The following FBXO33 variants were observed in gnomAD, a reference collection of about 807,000 sequenced individuals.
FBXO33 encodes F-box protein 33.
FBXO33 carries 22 observed loss-of-function variants against 46.3 expected under a neutral mutation model. The ratio of observed to expected loss-of-function variants is 0.48; its 90% confidence interval spans 0.34 to 0.68. FBXO33 has a LOEUF of 0.68. FBXO33 is among the 30% of genes least tolerant of loss of function. The probability of loss-of-function intolerance (pLI) is 0.01; values close to 1 mark genes in which losing one functional copy is unlikely to be tolerated. For synonymous variants in FBXO33, 337 were observed against 291.3 expected (o/e 1.16, Z -1.60); for missense variants, 692 against 708.8 (o/e 0.98, Z 0.27).
intron 3 of FBXO33, among the ~76,000 whole-genome samples, chr14:39,400,078 A>C (rs2075361794): frequency 6.6e-6 from 1 of 152,246 alleles, no homozygotes; most frequent in Admixed American, 6.5e-5. Context: ...ATAGACATTT[A>C]AAGTATATAC....
intron 1 of FBXO33, among the ~76,000 whole-genome samples, chr14:39,418,672 G>A (rs189659366): frequency 6.6e-6 from 1 of 151,364 alleles, no homozygotes; most frequent in Non-Finnish European, 1.5e-5. Flanking sequence ...CTACTCGGGA[G>A]GCTGAGGCAG....
chr14:39,427,304 G>A (rs922208705), intron 1 of FBXO33, among the ~76,000 whole-genome samples: 10 of 152,044 alleles, frequency 6.6e-5, no homozygotes, highest in African/African-American at 2.4e-4. Flanking sequence ...TTCCTTCTCA[G>A]TAACTTTGAG....
chr14:39,428,354 C>T (rs2075526098), intron 1 of FBXO33, among the ~76,000 whole-genome samples: 1 of 151,948 alleles, frequency 6.6e-6, no homozygotes, highest in South Asian at 2.1e-4. Context: ...TACAGGCATG[C>T]ACTGCCACAC....
intron 1 of FBXO33, among the ~76,000 whole-genome samples, chr14:39,406,653 A>G (rs2075400179): frequency 6.6e-6 from 1 of 152,186 alleles, no homozygotes; most frequent in Non-Finnish European, 1.5e-5. Context: ...AGGGCAGAGT[A>G]CCAGAGACAA....
chr14:39,430,475 G>C (rs1396066508), intron 1 of FBXO33, among the ~76,000 whole-genome samples: 1 of 152,034 alleles, frequency 6.6e-6, no homozygotes, highest in Non-Finnish European at 1.5e-5. Context: ...TACTGCAAAA[G>C]GACACGCTTT....
chr14:39,402,399 ACT>A lies in FBXO33; in HGVS notation c.710_710+1del, dbSNP rs757183387. On this transcript the variant is annotated splice_donor_variant and coding_sequence_variant, in exon 2 of 4. Coordinates refer to ENST00000298097, the MANE Select transcript of FBXO33 (RefSeq NM_203301.4). LOFTEE classifies it high-confidence loss of function. ...CTCCTTTCCATTAACCATATAACTT[ACT>A]GTTTAATTTTTTTGCCATCAGGGTC... is the stretch of plus-strand genomic sequence containing the variant. 1 of 1,519,964 alleles carries A rather than the reference ACT, an allele frequency of 6.6e-7. No homozygotes were observed. Among genetic ancestry groups the A allele is most frequent in the Non-Finnish European group, 8.9e-7 (1 of 1,117,720 alleles). The allele number at this position is 1,519,964 out of a possible 1,614,324, so 94.2% of individuals were successfully genotyped here. A position where few individuals can be genotyped will look rare whatever the true frequency, so the allele number is the denominator to read the frequency against.
rs528463273 is a variant in FBXO33 at position 39,419,807 on chromosome 14, T to C, written c.599+11757A>G. On this transcript the variant is annotated intron_variant, in intron 1 of 3. Transcript: ENST00000298097. ...GTTGGCTAGAAAGTTTCTTCTTTCATCTTAATTCTTCAAATTAATGTACTT... is the reference window on the plus strand; with the variant it reads ...GTTGGCTAGAAAGTTTCTTCTTTCACCTTAATTCTTCAAATTAATGTACTT... 9.8e-5 allele frequency among the ~76,000 whole-genome samples: 15 copies of C among 152,362 alleles called. No individual in the cohort carries two copies. The South Asian group carries it at 3.1e-3, about 32-fold the overall frequency.
chr14:39,430,900 T>TGCCC (rs984720213), intron 1 of FBXO33, among the ~76,000 whole-genome samples: 9 of 152,126 alleles, frequency 5.9e-5, no homozygotes, highest in African/African-American at 2.2e-4. Flanking sequence ...ACTCCCTCGC[T>TGCCC]GCCCGCCCGC....
chr14:39,411,537 C>A (rs1167844493), intron 1 of FBXO33, among the ~76,000 whole-genome samples: 1 of 124,612 alleles, frequency 8.0e-6, no homozygotes, highest in Non-Finnish European at 1.7e-5. Flanking sequence ...CTTTTTTTTT[C>A]TTGAGACAAG....
chr14:39,421,009 C>T (rs1220387037), intron 1 of FBXO33, among the ~76,000 whole-genome samples: 6 of 152,276 alleles, frequency 3.9e-5, no homozygotes, highest in East Asian at 1.9e-4. Flanking sequence ...ACATCCACTC[C>T]GCCCTCTGAA....
At chr14:39,403,123 T>A (rs1420710356) in intron 1 of FBXO33, among the ~76,000 whole-genome samples, 1 of 152,146 alleles carries the variant, frequency 6.6e-6, no homozygotes, top group Non-Finnish European at 1.5e-5. Context: ...ATAGAGATGA[T>A]AATTACAATA....
At chr14:39,423,233 G>C (rs1245543538) in intron 1 of FBXO33, among the ~76,000 whole-genome samples, 1 of 152,072 alleles carries the variant, frequency 6.6e-6, no homozygotes, top group African/African-American at 2.4e-5. Context: ...CAAATTAAAA[G>C]TACAATATAA....
chr14:39,397,997 C>G lies in FBXO33; in HGVS notation c.*1519G>C, dbSNP rs2075350815. The G allele has an allele frequency of 6.6e-6, 1 of 152,640 alleles. No individual in the cohort carries two copies. Among genetic ancestry groups the G allele is most frequent in the African/African-American group, 2.4e-5 (1 of 41,452 alleles). The allele number at this position is 152,640 out of a possible 1,614,324, so 9.5% of individuals were successfully genotyped here. A position where few individuals can be genotyped will look rare whatever the true frequency, so the allele number is the denominator to read the frequency against. On this transcript the variant is annotated 3_prime_UTR_variant, in exon 4 of 4. Coordinates refer to ENST00000298097, the MANE Select transcript of FBXO33 (RefSeq NM_203301.4). ...TGGTATGTGCTCACTGGAGACAAAA[C>G]AGTGCACACCTGTCAAAAGGTCATT...
chr14:39,431,956 C>G lies in FBXO33; in HGVS notation c.207G>C (p.Ala69=). The part of the protein sequence containing the change: ...MALCGQAAGA[A]SLPSELIVHI... The stretch of plus-strand genomic sequence containing the variant: ...GCACGATCAGCTCGCTGGGCAGCGA[C>G]GCAGCGCCCGCCGCCTGCCCGCACA... The change falls in exon 1 of 4, where the codon GCG becomes GCC. Residue 69 remains alanine (A), a synonymous_variant. Coordinates refer to ENST00000298097, the MANE Select transcript of FBXO33 (RefSeq NM_203301.4). 1.3e-6 allele frequency: 2 copies of G among 1,528,888 alleles called. No individual in the cohort carries two copies. The highest frequency in any genetic ancestry group is 1.2e-5 in the South Asian group (1 of 83,590). 94.7% of individuals were successfully genotyped at this position (1,528,888 alleles called of 1,614,324 possible). A position where few individuals can be genotyped will look rare whatever the true frequency, so the allele number is the denominator to read the frequency against.
At chr14:39,400,714 T>C (rs1162323188) in intron 3 of FBXO33, among the ~76,000 whole-genome samples, 1 of 152,168 alleles carries the variant, frequency 6.6e-6, no homozygotes, top group African/African-American at 2.4e-5. Flanking sequence ...ACAGGTCACA[T>C]TAAAATGAAA....
chr14:39,430,145 T>C (rs1165581289), intron 1 of FBXO33, among the ~76,000 whole-genome samples: 1 of 152,210 alleles, frequency 6.6e-6, no homozygotes, highest in African/African-American at 2.4e-5. Flanking sequence ...TTTGGGTCAG[T>C]TGGTCCTCTA....
At chr14:39,419,838 C>A (rs912321031) in intron 1 of FBXO33, among the ~76,000 whole-genome samples, 2 of 152,098 alleles carry the variant, frequency 1.3e-5, no homozygotes, top group African/African-American at 4.8e-5. Flanking sequence ...TACTTTGATT[C>A]CTTTGGTAAT....
rs760070856 is a variant in FBXO33, at chr14:39,431,935, G to C, written c.228C>G (p.Ile76Met). The change falls in exon 1 of 4, where the codon ATC becomes ATG. Residue 76 changes from isoleucine (I) to methionine (M), a missense_variant. Transcript: ENST00000298097. Reference sequence around the variant, plus strand: ...CCGGCAGAAAAGAGAAGATGTGCACGATCAGCTCGCTGGGCAGCGACGCAG... The same window carrying C: ...CCGGCAGAAAAGAGAAGATGTGCACCATCAGCTCGCTGGGCAGCGACGCAG... The part of the protein sequence containing the change: ...AGAASLPSEL[I>M]VHIFSFLPAP... 5.9e-5 allele frequency: 91 copies of C among 1,533,684 alleles called. No homozygotes were observed. Among genetic ancestry groups the C allele is most frequent in the Non-Finnish European group, 7.9e-6 (9 of 1,146,176 alleles).
chr14:39,406,943 A>T (rs2075401614), intron 1 of FBXO33, among the ~76,000 whole-genome samples: 1 of 152,204 alleles, frequency 6.6e-6, no homozygotes, highest in African/African-American at 2.4e-5. Context: ...CATAAAAAGA[A>T]TATGGATTGG....
Sources: gnomAD v4.1 joint callset for allele counts (sites outside exome capture counted in the v4.1 genomes callset) on GRCh38, gnomAD v4.1.1 for gene constraint, MANE v1.5 for transcripts, NCBI Gene and HGNC (gene_info 2026-07-23, HGNC 2026-07-21) for gene names.